C10orf90: variants seen among roughly 807,000 people sequenced by gnomAD.
C10orf90 encodes the protein chromosome 10 open reading frame 90, also known as (E2-independent) E3 ubiquitin-conjugating enzyme FATS.
In C10orf90, 56 loss-of-function variants were observed where a neutral mutation model predicts 62.5. The observed-to-expected ratio is 0.90, with a 90% CI of 0.72 to 1.12. C10orf90 has a LOEUF of 1.12. Ranked by LOEUF, C10orf90 falls within the 50% of genes most tolerant of loss-of-function variation. The probability of loss-of-function intolerance (pLI) is 0.00; values close to 1 mark genes in which losing one functional copy is unlikely to be tolerated. For missense variants in C10orf90, 970 were observed against 880.4 expected, an observed-to-expected ratio of 1.10 and a Z score of -1.29; for synonymous variants, 386 against 340.4, an observed-to-expected ratio of 1.13 and a Z score of -1.47.
chr10:126,650,207 G>T (rs1007946101), intron 1 of C10orf90, among the ~76,000 whole-genome samples: 1 of 152,120 alleles, frequency 6.6e-6, no homozygotes, highest in African/African-American at 2.4e-5. Context: ...TTGCTATTTC[G>T]TGAGTGATCA....
intron 2 of C10orf90, among the ~76,000 whole-genome samples, chr10:126,628,991 A>G (rs1427518862): frequency 6.6e-6 from 1 of 152,210 alleles, no homozygotes; most frequent in Admixed American, 6.5e-5. Context: ...AGATCTCTGC[A>G]TGGTGCTTCT....
chr10:126,594,736 A>T (rs1357374756), intron 2 of C10orf90, among the ~76,000 whole-genome samples: 1 of 152,184 alleles, frequency 6.6e-6, no homozygotes, highest in Non-Finnish European at 1.5e-5. Flanking sequence ...GAGCAAGAGC[A>T]TTCCAGGCAA....
chr10:126,657,417 C>T (rs1349822199), intron 1 of C10orf90, among the ~76,000 whole-genome samples: 1 of 152,090 alleles, frequency 6.6e-6, no homozygotes, highest in East Asian at 1.9e-4. Flanking sequence ...AACGTTTGTC[C>T]CTTTGTGTTG....
intron 2 of C10orf90, among the ~76,000 whole-genome samples, chr10:126,557,207 T>C (rs954690257): frequency 2.0e-5 from 3 of 151,594 alleles, no homozygotes; most frequent in Non-Finnish European, 2.9e-5. Flanking sequence ...TGTGGCCGGG[T>C]GCGGTGGCTG....
intron 3 of C10orf90, among the ~76,000 whole-genome samples, chr10:126,507,617 T>C (rs1383491125): frequency 1.3e-5 from 2 of 152,076 alleles, no homozygotes; most frequent in Non-Finnish European, 2.9e-5. Context: ...GTTGCTTCCT[T>C]GAGGCTAATG....
chr10:126,449,622 T>C (rs1260655660), intron 7 of C10orf90, among the ~76,000 whole-genome samples: 2 of 152,178 alleles, frequency 1.3e-5, no homozygotes, highest in African/African-American at 4.8e-5. Context: ...ATCTTATATG[T>C]AGAAACCCCT....
At chr10:126,657,614 T>C (rs536635514) in intron 1 of C10orf90, among the ~76,000 whole-genome samples, 1 of 151,704 alleles carries the variant, frequency 6.6e-6, no homozygotes, top group African/African-American at 2.4e-5. Flanking sequence ...TTGTCTTTTT[T>C]TTTTTCTTTT....
At chr10:126,488,170 A>G (rs1298539685) in intron 4 of C10orf90, among the ~76,000 whole-genome samples, 1 of 152,134 alleles carries the variant, frequency 6.6e-6, no homozygotes, top group Non-Finnish European at 1.5e-5. Context: ...AGTTATCAAA[A>G]TAAATGTAAA....
chr10:126,615,514 A>G (rs180958478), intron 2 of C10orf90, among the ~76,000 whole-genome samples: 54 of 152,368 alleles, frequency 3.5e-4, no homozygotes, highest in Admixed American at 1.8e-3. Context: ...AAGCAAGGCT[A>G]TAAAAATACA....
chr10:126,488,994 G>A (rs936608952), intron 4 of C10orf90, among the ~76,000 whole-genome samples: 5 of 151,906 alleles, frequency 3.3e-5, no homozygotes, highest in African/African-American at 4.8e-5. Context: ...AATCTCCTTC[G>A]GAAACAGAGG....
intron 4 of C10orf90, among the ~76,000 whole-genome samples, chr10:126,483,531 A>G (rs548458356): frequency 6.6e-6 from 1 of 152,338 alleles, no homozygotes; most frequent in South Asian, 2.1e-4. Context: ...TGAGCTTGAA[A>G]TGATCGGTGA....
In C10orf90 at chr10:126,505,104, C is replaced by T; in HGVS notation, c.406-19G>A. On this transcript the variant is annotated intron_variant, in intron 3 of 9. Transcript: ENST00000488181. ...GGGTCTCCTGCAAATAGAAAAAGAT[C>T]CCGATTATTCAAGCAGTCTATTGAA... 1 of 1,586,590 alleles carries T rather than the reference C, an allele frequency of 6.3e-7. No homozygotes were observed. The highest frequency in any genetic ancestry group is 8.6e-7 in the Non-Finnish European group (1 of 1,167,552).
At chr10:126,557,004 T>G (rs1365289707) in intron 2 of C10orf90, among the ~76,000 whole-genome samples, 3 of 106,638 alleles carry the variant, frequency 2.8e-5, no homozygotes, top group Non-Finnish European at 5.7e-5. Context: ...TTGCAATTAA[T>G]CAATTTAAAA....
chr10:126,432,959 G>T (rs1590883205), intron 7 of C10orf90, among the ~76,000 whole-genome samples: 1 of 152,324 alleles, frequency 6.6e-6, no homozygotes, highest in African/African-American at 2.4e-5. Context: ...CATGAGATCT[G>T]ATTTTTATTG....
intron 1 of C10orf90, among the ~76,000 whole-genome samples, chr10:126,649,028 GTCTCTGTCTCTCTCTCTC>G (rs1219091257): frequency 0.072 from 7,351 of 102,762 alleles, 722 homozygotes; most frequent in African/African-American, 0.17. Flanking sequence ...CTCTCTCTCT[GTCTCTGTCTCTCTCTCTC>G]TCTCTCTCTC....
rs540495644 is a variant in C10orf90 at position 126,456,134 on chromosome 10, C to G, written c.2188+2906G>C. Among the ~76,000 whole-genome samples the G allele has an allele frequency of 1.3e-5, 2 of 152,370 alleles. No individual in the cohort carries two copies. Among genetic ancestry groups the G allele is most frequent in the Admixed American group, 6.5e-5 (1 of 15,302 alleles). On this transcript the variant is annotated intron_variant, in intron 7 of 9. Coordinates refer to ENST00000488181, the MANE Select transcript of C10orf90 (RefSeq NM_001350921.2). This position sits in a 1 kb window ranked among gnomAD's most constrained non-coding sequence, Gnocchi z 4.9. ...CTAATTTAGCAAGTAAGAAAAACAT[C>G]TGCATTTTGCTTTTATCATCTTGCC...
At chr10:126,659,113 G>T (rs541377538) in intron 1 of C10orf90, among the ~76,000 whole-genome samples, 1 of 152,250 alleles carries the variant, frequency 6.6e-6, no homozygotes, top group South Asian at 2.1e-4. Context: ...TAAGCACACG[G>T]CATCTCCCAT....
intron 7 of C10orf90, among the ~76,000 whole-genome samples, chr10:126,439,874 G>A (rs1225875467): frequency 6.6e-6 from 1 of 152,154 alleles, no homozygotes; most frequent in Non-Finnish European, 1.5e-5. Context: ...GCAAAATACA[G>A]GGGTAGAGGT....
rs1255815356 is a variant in C10orf90 at position 126,425,588 on chromosome 10, A to G, written c.*276T>C. 1.1e-5 allele frequency: 5 copies of G among 452,080 alleles called. No homozygotes were observed. The highest frequency in any genetic ancestry group is 2.0e-5 in the African/African-American group (1 of 49,772). 28.0% of individuals were successfully genotyped at this position (452,080 alleles called of 1,614,324 possible). A position where few individuals can be genotyped will look rare whatever the true frequency, so the allele number is the denominator to read the frequency against. On this transcript the variant is annotated 3_prime_UTR_variant, in exon 10 of 10. Transcript: ENST00000488181. ...GGAGAAGAAATCAGAAGCAAAAGGTACAATTTAGAAGCAAAAACATTAAGG... is the reference window on the plus strand; with the variant it reads ...GGAGAAGAAATCAGAAGCAAAAGGTGCAATTTAGAAGCAAAAACATTAAGG...
Sources: gnomAD v4.1 joint callset for allele counts (sites outside exome capture counted in the v4.1 genomes callset) on GRCh38, gnomAD v4.1.1 for gene constraint, Gnocchi (gnomAD v3.1) non-coding constraint, MANE v1.5 for transcripts, NCBI Gene and HGNC (gene_info 2026-07-23, HGNC 2026-07-21) for gene names.